The following DNAJC9 variants were observed in gnomAD, a reference collection of about 807,000 sequenced individuals.
DNAJC9 encodes dnaJ homolog subfamily C member 9.
In DNAJC9, 18 loss-of-function variants were observed where a neutral mutation model predicts 32.4. The ratio of observed to expected loss-of-function variants is 0.56; its 90% CI spans 0.38 to 0.82. The LOEUF (loss-of-function observed/expected upper bound fraction) is 0.82. Ranked by LOEUF, DNAJC9 falls within the 40% of genes least tolerant of loss-of-function variation. The pLI is 0.00. For missense variants in DNAJC9, 310 were observed against 321.8 expected, an observed-to-expected ratio of 0.96 and a Z score of 0.28; for synonymous variants, 113 against 122.1, an observed-to-expected ratio of 0.93 and a Z score of 0.49.
In DNAJC9 at chr10:73,246,734, G is replaced by T. The variant is rs141251350; in HGVS notation, c.275C>A (p.Thr92Asn). ...GTVDEDSPVL[T>N]QDRDWEAYWR... ...ATACGCCTCCCAGTCTCGGTCTTGG[G>T]TGAGCACAGGAGAGTCCTCGTCCAC... The change falls in exon 2 of 5, where the codon ACC becomes AAC. Residue 92 changes from threonine (T) to asparagine (N), a missense_variant. Physicochemically the swap from Thr to Asn is moderately conservative, Grantham distance 65 (BLOSUM62 0). Transcript: ENST00000372950. 1 of 1,614,050 alleles carries T rather than the reference G, an allele frequency of 6.2e-7. No homozygotes were observed. Among genetic ancestry groups the T allele is most frequent in the Non-Finnish European group, 8.5e-7 (1 of 1,179,962 alleles).
At chr10:73,240,267 T>C (rs1301671450), downstream of DNAJC9, among the ~76,000 whole-genome samples, 2 of 152,204 alleles carry the variant, frequency 1.3e-5, no homozygotes, top group South Asian at 2.1e-4. Context: ...TCAGCAACTA[T>C]GGTAAAAAAC....
intron 4 of DNAJC9, 69 bp downstream of exon 4, chr10:73,243,774 C>T (rs2043978494): frequency 3.5e-6 from 5 of 1,412,330 alleles, no homozygotes; most frequent in Non-Finnish European, 4.9e-6. Flanking sequence ...CAAAATACAA[C>T]ATTCCAAAGA....
chr10:73,240,492 C>CA (rs2043918530), downstream of DNAJC9, among the ~76,000 whole-genome samples: 1 of 152,118 alleles, frequency 6.6e-6, no homozygotes, highest in Admixed American at 6.5e-5. Context: ...GCGGGCGGAT[C>CA]ACGAGGTCAG....
chr10:73,234,973 T>C, downstream of DNAJC9: 1 of 1,549,310 alleles, frequency 6.5e-7, no homozygotes, highest in Middle Eastern at 1.7e-4. Flanking sequence ...CTCCATGTAC[T>C]TACCATACAA....
intron 4 of DNAJC9, 159 bp from the exon 5 acceptor site, chr10:73,243,678 A>G: frequency 1.7e-6 from 2 of 1,168,574 alleles, no homozygotes; most frequent in Non-Finnish European, 2.4e-6. Flanking sequence ...TAATTGTAAA[A>G]CTTTGTAAAT....
chr10:73,245,743 A>G (rs2043999513), intron 3 of DNAJC9, among the ~76,000 whole-genome samples, 179 bp downstream of exon 3: 1 of 152,234 alleles, frequency 6.6e-6, no homozygotes, highest in Non-Finnish European at 1.5e-5. Flanking sequence ...TGAGCACAAC[A>G]TGCTAGAAAA....
chr10:73,240,932 A>G (rs188911651), downstream of DNAJC9: 33 of 1,473,310 alleles, frequency 2.2e-5, no homozygotes, highest in East Asian at 6.0e-4. Flanking sequence ...ATGTTACTCT[A>G]TGTCATCTGA....
downstream of DNAJC9, among the ~76,000 whole-genome samples, chr10:73,237,766 C>T (rs1231731931): frequency 1.3e-5 from 2 of 151,978 alleles, no homozygotes; most frequent in Non-Finnish European, 2.9e-5. Context: ...CGCTACATCA[C>T]CCAGGCTGGA....
chr10:73,235,612 C>A, downstream of DNAJC9: 1 of 393,124 alleles, frequency 2.5e-6, no homozygotes, highest in Non-Finnish European at 4.2e-6. Flanking sequence ...ATAAGCATAA[C>A]TTTATTATGT....
intron 3 of DNAJC9, 161 bp from the exon 4 acceptor site, chr10:73,244,090 A>G (rs2043981871): frequency 1.6e-6 from 1 of 607,520 alleles, no homozygotes; most frequent in African/African-American, 1.9e-5. Context: ...AATGGCAACA[A>G]TGCTGACAGC....
rs1315807739 is a variant in DNAJC9, at chr10:73,246,812, T to C, written c.197A>G (p.Tyr66Cys). 3.7e-6 allele frequency: 6 copies of C among 1,614,046 alleles called. No individual in the cohort carries two copies. The African/African-American group carries it at 4.0e-5, about 11-fold the overall frequency. Residue 66 changes from tyrosine (Y) to cysteine (C), a missense_variant, in exon 2 of 5, where the codon TAT becomes TGT. Physicochemically the swap from Tyr to Cys is radical, Grantham distance 194 (BLOSUM62 -2). Transcript: ENST00000372950. ...TRRFQILGKV[Y>C]SVLSDREQRA... ...CTGTTCTCTGTCACTGAGAACGGAA[T>C]AGACTTTTCCCAGGATCTGAGGGCA... is the stretch of plus-strand genomic sequence containing the variant.
downstream of DNAJC9, chr10:73,239,271 G>A (rs1188124794): frequency 2.1e-5 from 31 of 1,478,700 alleles, no homozygotes; most frequent in Non-Finnish European, 2.8e-5. Context: ...TCCTTTGTGA[G>A]AAGATGCATC....
chr10:73,233,443 G>T (rs1357209704), intron 2 of DNAJC9, among the ~76,000 whole-genome samples: 1 of 152,070 alleles, frequency 6.6e-6, no homozygotes, highest in Non-Finnish European at 1.5e-5. Context: ...GGCTCAAGTG[G>T]TTCTCCCACC....
At chr10:73,236,714 T>G (rs555750492), downstream of DNAJC9, among the ~76,000 whole-genome samples, 35 of 149,218 alleles carry the variant, frequency 2.3e-4, no homozygotes, top group African/African-American at 8.7e-4. Context: ...ACCCGGCCTT[T>G]TTTTTCTTTT....
At chr10:73,246,934 G>C in intron 1 of DNAJC9, 76 bp downstream of exon 1, 1 of 1,577,454 alleles carries the variant, frequency 6.3e-7, no homozygotes, top group Non-Finnish European at 8.6e-7. Context: ...GCGCTCCCCC[G>C]GGGCGGGGCC....
chr10:73,234,969 G>T, downstream of DNAJC9: 1 of 1,550,140 alleles, frequency 6.5e-7, no homozygotes, highest in Non-Finnish European at 8.7e-7. Flanking sequence ...GCCTCTCCAT[G>T]TACTTACCAT....
chr10:73,240,888 T>G, downstream of DNAJC9: 1 of 1,031,896 alleles, frequency 9.7e-7, no homozygotes, highest in South Asian at 1.4e-5. Flanking sequence ...AGCTATAAAC[T>G]TGAGAGTGAT....
rs765042108 is a variant in DNAJC9, at chr10:73,243,525, T to A, written c.664-6A>T. ...TGCCGATCCTTTTGTCTGCTCTGTT[T>A]GAGAAGTTAAAACACAAGCTTTCAC... is the stretch of plus-strand genomic sequence containing the variant. On this transcript the variant is annotated splice_region_variant and splice_polypyrimidine_tract_variant and intron_variant, in intron 4 of 4. Coordinates refer to ENST00000372950, the MANE Select transcript of DNAJC9 (RefSeq NM_015190.5). 2.5e-6 allele frequency: 4 copies of A among 1,614,026 alleles called. No individual in the cohort carries two copies.
At chr10:73,245,355 T>A in intron 3 of DNAJC9, among the ~76,000 whole-genome samples, 1 of 88,238 alleles carries the variant, frequency 1.1e-5, no homozygotes, top group Non-Finnish European at 2.1e-5. Flanking sequence ...CCCCCCCAAC[T>A]CTCCTCACCC....
Sources: gnomAD v4.1 joint callset for allele counts (sites outside exome capture counted in the v4.1 genomes callset) on GRCh38, gnomAD v4.1.1 for gene constraint, MANE v1.5 for transcripts, NCBI Gene and HGNC (gene_info 2026-07-23, HGNC 2026-07-21) for gene names.